The following TMEM108 variants were observed in gnomAD, a reference collection of about 807,000 sequenced individuals.
TMEM108 encodes the protein transmembrane protein 108, also known as cancer/testis antigen 124.
In TMEM108, 12 loss-of-function variants were observed where a neutral mutation model predicts 35.1. That is an observed-to-expected ratio of 0.34 (90% CI 0.22 to 0.55). TMEM108 has a LOEUF of 0.55. Among genes scored for constraint, TMEM108 ranks in the 20% least tolerant of loss-of-function variants. The pLI is 0.89. For synonymous variants in TMEM108, 287 were observed against 308.6 expected, an observed-to-expected ratio of 0.93 and a Z score of 0.73; for missense variants, 680 against 753.3, an observed-to-expected ratio of 0.90 and a Z score of 1.14.
intron 2 of TMEM108, among the ~76,000 whole-genome samples, chr3:133,115,567 A>C (rs12497903): frequency 0.1 from 15,527 of 152,328 alleles, 980 homozygotes; most frequent in Admixed American, 0.17. Context: ...TTACACTGCT[A>C]ATAGAAATAA....
At chr3:133,181,026 A>AAAAAAAC (rs1945333630) in intron 2 of TMEM108, among the ~76,000 whole-genome samples, 4 of 145,278 alleles carry the variant, frequency 2.8e-5, no homozygotes, top group East Asian at 1.9e-4. Context: ...AAAAAAAAAA[A>AAAAAAAC]AAAAAAAAAA....
intron 2 of TMEM108, among the ~76,000 whole-genome samples, chr3:133,056,026 C>T (rs1559817863): frequency 6.6e-6 from 1 of 152,136 alleles, no homozygotes; most frequent in Non-Finnish European, 1.5e-5. Flanking sequence ...CTTTTGGTTT[C>T]CTCTGGTGTT....
intron 3 of TMEM108, among the ~76,000 whole-genome samples, chr3:133,287,503 C>T (rs1947002423): frequency 1.3e-5 from 2 of 152,130 alleles, no homozygotes; most frequent in Non-Finnish European, 2.9e-5. Flanking sequence ...TTACTTCTAG[C>T]CAGTTCATTC....
intron 2 of TMEM108, among the ~76,000 whole-genome samples, chr3:133,215,467 C>G (rs1200276964): frequency 6.6e-6 from 1 of 151,494 alleles, no homozygotes; most frequent in African/African-American, 2.4e-5. Flanking sequence ...TCATCTTAAG[C>G]TGGGAATGTA....
At chr3:133,222,013 T>C (rs1230126461) in intron 2 of TMEM108, among the ~76,000 whole-genome samples, 1 of 152,202 alleles carries the variant, frequency 6.6e-6, no homozygotes, top group Non-Finnish European at 1.5e-5. Flanking sequence ...TTTTTACCAG[T>C]AAGTTTTATG....
At chr3:133,198,493 C>A (rs1446120630) in intron 2 of TMEM108, among the ~76,000 whole-genome samples, 2 of 152,184 alleles carry the variant, frequency 1.3e-5, no homozygotes, top group Non-Finnish European at 2.9e-5. Flanking sequence ...TACTGACTGA[C>A]AAGTAACTGC....
chr3:133,299,611 T>C (rs547594796), intron 3 of TMEM108, among the ~76,000 whole-genome samples: 8 of 152,312 alleles, frequency 5.3e-5, no homozygotes, highest in African/African-American at 1.9e-4. Context: ...TTGTCACAGG[T>C]CCTGATATCT....
At chr3:133,242,872 T>C (rs1946332795) in intron 3 of TMEM108, among the ~76,000 whole-genome samples, 1 of 152,188 alleles carries the variant, frequency 6.6e-6, no homozygotes, top group South Asian at 2.1e-4. Context: ...TGAGGTCAGC[T>C]AAGTATACAG....
chr3:133,379,664 A>G, intron 3 of TMEM108, 88 bp from the exon 4 acceptor site: 1 of 1,340,178 alleles, frequency 7.5e-7, no homozygotes, highest in Non-Finnish European at 1.0e-6. Context: ...CTGAGTTCCC[A>G]GCACTGTCCT....
chr3:133,081,096 C>T (rs1309878316), intron 2 of TMEM108, among the ~76,000 whole-genome samples: 13 of 152,182 alleles, frequency 8.5e-5, no homozygotes, highest in African/African-American at 2.9e-4. Context: ...AGCACAGTGT[C>T]GTCACTTCTC....
At chr3:133,156,514 C>T (rs1259250262) in intron 2 of TMEM108, among the ~76,000 whole-genome samples, 2 of 152,178 alleles carry the variant, frequency 1.3e-5, no homozygotes, top group Non-Finnish European at 2.9e-5. Context: ...GTTTGACTTA[C>T]TATTTATGTG....
intron 2 of TMEM108, among the ~76,000 whole-genome samples, chr3:133,099,873 T>C (rs566712117): frequency 1.3e-5 from 2 of 152,352 alleles, no homozygotes; most frequent in African/African-American, 4.8e-5. Flanking sequence ...TCTCACATTT[T>C]TCTGTCTTCT....
intron 2 of TMEM108, among the ~76,000 whole-genome samples, chr3:133,118,038 G>A (rs1305607925): frequency 6.6e-6 from 1 of 152,132 alleles, no homozygotes; most frequent in African/African-American, 2.4e-5. Flanking sequence ...CTATTAGGTT[G>A]TCTGGTTTTG....
At chr3:133,342,557 C>T (rs61202766) in intron 3 of TMEM108, among the ~76,000 whole-genome samples, 17,877 of 39,214 alleles carry the variant, frequency 0.46, 3,372 homozygotes, top group Non-Finnish European at 0.52. Flanking sequence ...TATATATATA[C>T]ACACACACAC....
chr3:133,385,333 C>G (rs528555191), intron 4 of TMEM108, among the ~76,000 whole-genome samples: 1 of 152,190 alleles, frequency 6.6e-6, no homozygotes, highest in East Asian at 1.9e-4. Flanking sequence ...TAGACCCATA[C>G]CCTGACAGCT....
At chr3:133,251,373 A>G (rs1032144042) in intron 3 of TMEM108, among the ~76,000 whole-genome samples, 7 of 152,190 alleles carry the variant, frequency 4.6e-5, no homozygotes, top group African/African-American at 1.2e-4. Context: ...AGGTTATAAT[A>G]TGTTAAGATA....
intron 2 of TMEM108, among the ~76,000 whole-genome samples, chr3:133,217,514 G>A (rs898204175): frequency 6.6e-6 from 1 of 151,928 alleles, no homozygotes; most frequent in African/African-American, 2.4e-5. Flanking sequence ...CCAATGTCAT[G>A]GAGATTTTCC....
rs1273832283 is a variant in TMEM108, at chr3:133,224,337, A to G, written c.-46-4929A>G. On this transcript the variant is annotated intron_variant, in intron 2 of 5. Transcript: ENST00000321871. The stretch of plus-strand genomic sequence containing the variant: ...ATTGCCCCTGTCAAGCATCACTAAT[A>G]CAAGGCTGTTTTGTGTCAGACTTTT... 2.0e-5 allele frequency among the ~76,000 whole-genome samples: 3 copies of G among 152,254 alleles called. No individual in the cohort carries two copies. In the South Asian group the frequency reaches 6.2e-4, roughly 32 times the overall value.
chr3:133,276,872 G>A (rs1323643822), intron 3 of TMEM108, among the ~76,000 whole-genome samples: 3 of 152,186 alleles, frequency 2.0e-5, no homozygotes, highest in African/African-American at 7.2e-5. Flanking sequence ...TTGCCAAGAT[G>A]GGGCTTTATG....
Sources: allele counts gnomAD v4.1 joint callset (sites outside exome capture counted in the v4.1 genomes callset), GRCh38; gene constraint gnomAD v4.1.1; transcripts MANE v1.5; gene names NCBI Gene and HGNC (gene_info 2026-07-23, HGNC 2026-07-21).